Variants in RGS6 observed in about 807,000 individuals in gnomAD.
RGS6 encodes the protein regulator of G-protein signaling 6.
A neutral mutation model predicts 78.5 loss-of-function variants in RGS6; 30 were observed. The observed-to-expected ratio is 0.38, with a 90% CI of 0.29 to 0.52. The LOEUF (loss-of-function observed/expected upper bound fraction) is 0.52, where lower values mean the gene tolerates loss of function less well. Among genes scored for constraint, RGS6 ranks in the 20% least tolerant of loss-of-function variants. RGS6 has a pLI of 0.85. For missense variants in RGS6, 495 were observed against 609.7 expected, an observed-to-expected ratio of 0.81 and a Z score of 1.98; for synonymous variants, 206 against 206.0, an observed-to-expected ratio of 1.00 and a Z score of 0.00.
intron 2 of RGS6, among the ~76,000 whole-genome samples, chr14:72,347,294 A>G (rs1029219209): frequency 6.6e-6 from 1 of 152,228 alleles, no homozygotes; most frequent in African/African-American, 2.4e-5. Flanking sequence ...CCCACAAGCC[A>G]TGATCGGCCA....
intron 2 of RGS6, among the ~76,000 whole-genome samples, chr14:71,976,617 G>T (rs1014139556): frequency 8.5e-5 from 13 of 152,068 alleles, no homozygotes; most frequent in African/African-American, 1.4e-4. Context: ...CTGCATAGTA[G>T]TCCATGGTGT....
chr14:72,259,931 AGC>A, intron 2 of RGS6, among the ~76,000 whole-genome samples: 1 of 144,226 alleles, frequency 6.9e-6, no homozygotes, highest in Non-Finnish European at 1.5e-5. Context: ...AAAAAAAAAA[AGC>A]TTAATGAACG....
chr14:71,940,433 G>C (rs2090338389), intron 1 of RGS6, among the ~76,000 whole-genome samples: 1 of 152,180 alleles, frequency 6.6e-6, no homozygotes, highest in Non-Finnish European at 1.5e-5. Context: ...ATTCAAATTA[G>C]TCTTTTGTCC....
chr14:72,294,518 A>G (rs997316031), intron 2 of RGS6, among the ~76,000 whole-genome samples: 21 of 152,228 alleles, frequency 1.4e-4, no homozygotes, highest in Admixed American at 1.3e-3. Flanking sequence ...CCATTCTCAC[A>G]TTGCTGTAAA....
intron 2 of RGS6, among the ~76,000 whole-genome samples, chr14:72,264,497 G>T (rs1370139591): frequency 1.3e-5 from 2 of 152,116 alleles, no homozygotes; most frequent in African/African-American, 4.8e-5. Flanking sequence ...TATTTTCCGG[G>T]AGAGGAAAGT....
At chr14:72,362,947 T>C (rs550573323) in intron 3 of RGS6, among the ~76,000 whole-genome samples, 42 of 152,284 alleles carry the variant, frequency 2.8e-4, no homozygotes, top group African/African-American at 1.0e-3. Flanking sequence ...AAAATAGAAT[T>C]TTCATAGCCT....
chr14:71,908,801 G>T, the RGS6 span, among the ~76,000 whole-genome samples: 1 of 152,234 alleles, frequency 6.6e-6, no homozygotes, highest in African/African-American at 2.4e-5. Context: ...CACGCCTCTG[G>T]CTTAATAAAA....
At chr14:72,423,208 A>G (rs1209021031) in intron 3 of RGS6, among the ~76,000 whole-genome samples, 2 of 152,226 alleles carry the variant, frequency 1.3e-5, no homozygotes, top group East Asian at 1.9e-4. Flanking sequence ...CATGGGTGCC[A>G]GACATAGCCA....
intron 2 of RGS6, among the ~76,000 whole-genome samples, chr14:72,299,824 G>A (rs8013850): frequency 0.058 from 8,808 of 152,178 alleles, 417 homozygotes; most frequent in East Asian, 0.3. Flanking sequence ...TTTAATGACT[G>A]TAGAATCTAT....
chr14:72,525,176 G>T (rs766846443), intron 15 of RGS6, among the ~76,000 whole-genome samples: 2 of 152,188 alleles, frequency 1.3e-5, no homozygotes, highest in Non-Finnish European at 2.9e-5. Flanking sequence ...TCAAAGAAGC[G>T]GGGGACAATT....
At chr14:72,525,592 A>G (rs1443111805) in intron 15 of RGS6, among the ~76,000 whole-genome samples, 3 of 152,230 alleles carry the variant, frequency 2.0e-5, no homozygotes, top group African/African-American at 7.2e-5. Flanking sequence ...AAGGAATGCA[A>G]GGTTTCTACC....
At chr14:72,058,155 A>G (rs1040408679) in intron 2 of RGS6, among the ~76,000 whole-genome samples, 24 of 151,684 alleles carry the variant, frequency 1.6e-4, no homozygotes, top group African/African-American at 5.8e-4. Flanking sequence ...GTGTGCCTGC[A>G]ATCAGTCCAG....
At chr14:71,957,897 C>CT (rs1273389986) in intron 1 of RGS6, among the ~76,000 whole-genome samples, 12 of 152,098 alleles carry the variant, frequency 7.9e-5, no homozygotes, top group Admixed American at 5.2e-4. Flanking sequence ...TCCCGAGTAG[C>CT]TGAGACTACA....
intron 2 of RGS6, among the ~76,000 whole-genome samples, chr14:72,197,788 C>T (rs1374934773): frequency 6.6e-6 from 1 of 152,030 alleles, no homozygotes; most frequent in East Asian, 1.9e-4. Context: ...TCACGCCCAC[C>T]AGAATCCTCT....
the RGS6 span, among the ~76,000 whole-genome samples, chr14:72,613,895 G>A: frequency 0.072 from 10,904 of 152,236 alleles, 576 homozygotes; most frequent in Middle Eastern, 0.22. Context: ...GTTCCCACTC[G>A]CTCTGCCTGG....
At position 72,087,251 on chromosome 14, in the gene RGS6, C is replaced by T. The variant is rs2095080487; in HGVS notation, c.84+122376C>T. 6.6e-5 allele frequency among the ~76,000 whole-genome samples: 10 copies of T among 152,244 alleles called. No homozygotes were observed. The South Asian group carries it at 2.1e-3, about 32-fold the overall frequency. ...GTTCAAGTGATTCTCTTGCCTCAGC[C>T]TCCCAAGTAGCTAGGATTACAGGTG... is the stretch of plus-strand genomic sequence containing the variant. On this transcript the variant is annotated intron_variant, in intron 2 of 17. Coordinates refer to ENST00000553525, the MANE Select transcript of RGS6 (RefSeq NM_001204424.2).
chr14:72,236,273 C>T lies in RGS6; in HGVS notation c.85-115822C>T, dbSNP rs114253389. Among the ~76,000 whole-genome samples the T allele has an allele frequency of 1.0e-3, 158 of 152,254 alleles. 1 individual carries two copies. The highest frequency in any genetic ancestry group is 3.6e-3 in the African/African-American group (148 of 41,548). ...CTCTGTTTGCTTCATCACTGGCTAT[C>T]CATGTATTCATCCCTCTCTTCATCT... On this transcript the variant is annotated intron_variant, in intron 2 of 17. Coordinates refer to ENST00000553525, the MANE Select transcript of RGS6 (RefSeq NM_001204424.2).
chr14:71,950,630 A>G (rs2092203512), intron 1 of RGS6, among the ~76,000 whole-genome samples: 1 of 152,228 alleles, frequency 6.6e-6, no homozygotes, highest in Admixed American at 6.5e-5. Context: ...GCGAACAGGC[A>G]GCCTACAGAA....
At chr14:71,919,282 C>T in the RGS6 span, among the ~76,000 whole-genome samples, 1 of 152,170 alleles carries the variant, frequency 6.6e-6, no homozygotes, top group South Asian at 2.1e-4. Context: ...GGTCCCCCTA[C>T]TCTTATTCTT....
Sources: gnomAD v4.1 joint callset for allele counts (sites outside exome capture counted in the v4.1 genomes callset) on GRCh38, gnomAD v4.1.1 for gene constraint, MANE v1.5 for transcripts, NCBI Gene and HGNC (gene_info 2026-07-23, HGNC 2026-07-21) for gene names.